Variants in NRXN3 observed in about 807,000 individuals in gnomAD.
NRXN3 encodes the protein neurexin 3.
A neutral mutation model predicts 137.6 loss-of-function variants in NRXN3; 32 were observed. The observed-to-expected ratio is 0.23, with a 90% CI of 0.18 to 0.31. The LOEUF (loss-of-function observed/expected upper bound fraction) is 0.31, where lower values mean the gene tolerates loss of function less well. Ranked by LOEUF, NRXN3 falls within the 10% of genes least tolerant of loss-of-function variation. The pLI, the probability that NRXN3 is intolerant of heterozygous loss-of-function variation, is 1.00. For missense variants in NRXN3, 1,574 were observed against 2,062.5 expected, an observed-to-expected ratio of 0.76 and a Z score of 4.59; for synonymous variants, 798 against 784.5, an observed-to-expected ratio of 1.02 and a Z score of -0.29.
At chr14:78,647,459 C>T (rs1427010930) in intron 5 of NRXN3, among the ~76,000 whole-genome samples, 1 of 152,196 alleles carries the variant, frequency 6.6e-6, no homozygotes, top group Non-Finnish European at 1.5e-5. Flanking sequence ...ATTATGAGCT[C>T]ATCCATGGTC....
intron 15 of NRXN3, among the ~76,000 whole-genome samples, chr14:79,043,143 T>C (rs1179082315): frequency 6.6e-6 from 1 of 152,188 alleles, no homozygotes; most frequent in Admixed American, 6.5e-5. Context: ...GTGGGAATTA[T>C]AGAAATATTA....
At chr14:78,827,001 G>A (rs557770095) in intron 10 of NRXN3, among the ~76,000 whole-genome samples, 3 of 152,168 alleles carry the variant, frequency 2.0e-5, no homozygotes, top group Non-Finnish European at 2.9e-5. Context: ...CCTGATTTTG[G>A]TTATTATCCA....
At chr14:79,845,622 C>T (rs149717033) in intron 20 of NRXN3, among the ~76,000 whole-genome samples, 2,181 of 112,704 alleles carry the variant, frequency 0.019, 185 homozygotes, top group African/African-American at 0.083. Flanking sequence ...GAGACGGAGA[C>T]GGGGAGAGAG....
At chr14:79,856,618 C>CTT (rs34929411) in intron 20 of NRXN3, among the ~76,000 whole-genome samples, 268 of 143,544 alleles carry the variant, frequency 1.9e-3, no homozygotes, top group Non-Finnish European at 2.8e-3. Context: ...TTTTTTTGTT[C>CTT]TTTTTTTTTT....
chr14:78,988,041 G>A lies in NRXN3; in HGVS notation c.3162G>A (p.Gln1054=). 1 of 1,613,790 alleles carries A rather than the reference G, an allele frequency of 6.2e-7. No homozygotes were observed. Among genetic ancestry groups the A allele is most frequent in the South Asian group, 1.1e-5 (1 of 91,048 alleles). The part of the protein sequence containing the change: ...RGCEGPSTTC[Q]EDSCANQGVC... The stretch of plus-strand genomic sequence containing the variant: ...TACTAGGACCCAGTACCACCTGCCA[G>A]GAAGATTCATGTGCCAACCAGGGGG... The change falls in exon 15 of 21, where the codon CAG becomes CAA. Residue 1054 remains glutamine, a synonymous_variant. Transcript: ENST00000335750.
At chr14:78,178,473 G>T (rs537291988) in intron 1 of NRXN3, among the ~76,000 whole-genome samples, 1 of 152,292 alleles carries the variant, frequency 6.6e-6, no homozygotes, top group South Asian at 2.1e-4. Context: ...CATGCACCTT[G>T]TCTGAGGAGG....
chr14:79,207,668 C>T (rs2066985154), intron 15 of NRXN3, among the ~76,000 whole-genome samples: 1 of 152,080 alleles, frequency 6.6e-6, no homozygotes, highest in Non-Finnish European at 1.5e-5. Context: ...TTCTTTGGCC[C>T]GTTCTTTCTG....
At chr14:79,297,001 A>G (rs1004496291) in intron 15 of NRXN3, among the ~76,000 whole-genome samples, 4 of 152,136 alleles carry the variant, frequency 2.6e-5, no homozygotes, top group Non-Finnish European at 5.9e-5. Flanking sequence ...CCAACCATTC[A>G]TATTCACCAC....
intron 20 of NRXN3, among the ~76,000 whole-genome samples, chr14:79,848,372 G>A (rs112484024): frequency 4.6e-5 from 7 of 152,230 alleles, no homozygotes; most frequent in Non-Finnish European, 1.0e-4. Flanking sequence ...CAGCACACAG[G>A]GCGCATGCAG....
At chr14:78,411,988 A>G (rs1047416124) in intron 4 of NRXN3, among the ~76,000 whole-genome samples, 1 of 152,216 alleles carries the variant, frequency 6.6e-6, no homozygotes, top group African/African-American at 2.4e-5. Flanking sequence ...AAGTTACTTA[A>G]TCTTTCTATT....
At chr14:79,356,778 A>G (rs1222150020) in intron 15 of NRXN3, among the ~76,000 whole-genome samples, 1 of 152,084 alleles carries the variant, frequency 6.6e-6, no homozygotes, top group African/African-American at 2.4e-5. Context: ...CCCAGGCTGA[A>G]GTGCAGTGAT....
chr14:79,100,828 A>T (rs554227265), intron 15 of NRXN3, among the ~76,000 whole-genome samples: 31 of 152,272 alleles, frequency 2.0e-4, no homozygotes, highest in African/African-American at 7.0e-4. Context: ...GTATTAAGTC[A>T]TGTGTTTCCG....
chr14:78,328,230 A>C (rs915673219), intron 4 of NRXN3, among the ~76,000 whole-genome samples: 3 of 152,156 alleles, frequency 2.0e-5, no homozygotes, highest in Non-Finnish European at 4.4e-5. Flanking sequence ...CAGTCTAGGA[A>C]AAAATAATTC....
At chr14:79,037,035 A>ATT (rs2099617245) in intron 15 of NRXN3, among the ~76,000 whole-genome samples, 1 of 152,094 alleles carries the variant, frequency 6.6e-6, no homozygotes, top group Non-Finnish European at 1.5e-5. Context: ...TTCTTGTTAA[A>ATT]TGGGACCATA....
intron 8 of NRXN3, chr14:78,753,588 G>A (rs2098653515): frequency 6.6e-6 from 1 of 152,170 alleles, no homozygotes; most frequent in Non-Finnish European, 1.5e-5. Flanking sequence ...AATGGCAGCT[G>A]AGATTTGAAT....
chr14:78,368,880 A>G (rs2086394891), intron 4 of NRXN3, among the ~76,000 whole-genome samples: 1 of 152,154 alleles, frequency 6.6e-6, no homozygotes, highest in Non-Finnish European at 1.5e-5. Context: ...GACCACTAGA[A>G]CTCCTAGTTT....
chr14:79,445,682 A>G (rs2096052834), intron 15 of NRXN3, among the ~76,000 whole-genome samples: 1 of 152,214 alleles, frequency 6.6e-6, no homozygotes, highest in South Asian at 2.1e-4. Context: ...GGAAGAGGAA[A>G]GAGCAAGTGC....
chr14:78,756,324 C>A (rs921279431), intron 8 of NRXN3, among the ~76,000 whole-genome samples: 1 of 152,052 alleles, frequency 6.6e-6, no homozygotes, highest in Admixed American at 6.6e-5. Context: ...CCTATCTCTA[C>A]TAAAGATACA....
intron 16 of NRXN3, among the ~76,000 whole-genome samples, chr14:79,585,512 C>A (rs2097757398): frequency 6.6e-6 from 1 of 151,774 alleles, no homozygotes. Flanking sequence ...TGGTGAAACC[C>A]CATCTCTACT....
Sources: allele counts gnomAD v4.1 joint callset (sites outside exome capture counted in the v4.1 genomes callset), GRCh38; gene constraint gnomAD v4.1.1; transcripts MANE v1.5; gene names NCBI Gene and HGNC (gene_info 2026-07-23, HGNC 2026-07-21).